SMCHD1: variants seen among roughly 807,000 people sequenced by gnomAD.
SMCHD1 encodes structural maintenance of chromosomes flexible hinge domain containing 1, also known as structural maintenance of chromosomes flexible hinge domain-containing protein 1.
Under a neutral mutation model 254.7 loss-of-function variants are expected in SMCHD1, and 78 were observed. That is an observed-to-expected ratio of 0.31 (90% confidence interval 0.26 to 0.37). The LOEUF (loss-of-function observed/expected upper bound fraction) is 0.37, where lower values mean the gene tolerates loss of function less well. SMCHD1 is among the 10% of genes least tolerant of loss of function. SMCHD1 has a pLI of 1.00. For synonymous variants in SMCHD1, 766 were observed against 794.9 expected (o/e 0.96, Z 0.61); for missense variants, 1,840 against 2,408.1 (o/e 0.76, Z 4.94).
intron 17 of SMCHD1, among the ~76,000 whole-genome samples, chr18:2,712,233 T>TG (rs1419562131): frequency 6.8e-6 from 1 of 147,390 alleles, no homozygotes; most frequent in African/African-American, 2.5e-5. Flanking sequence ...TCTTTTTCCT[T>TG]TTTTTTTTTT....
rs755868793 is a variant in SMCHD1 at position 2,700,750 on chromosome 18, T to C, written c.1479T>C (p.Thr493=). ...TCTGTTCAAGCTTTGACTGGTGTAC[T>C]CCTCCTAAGAAGAGAGGGCTTGCAC... ...YTSVEDFDWC[T]PPKKRGLAPI... Residue 493 remains threonine (T), a synonymous_variant, in exon 12 of 48, where the codon ACT becomes ACC. Transcript: ENST00000320876. 8.7e-6 allele frequency: 14 copies of C among 1,610,524 alleles called. No individual in the cohort carries two copies. Among genetic ancestry groups the C allele is most frequent in the Non-Finnish European group, 1.0e-5 (12 of 1,178,276 alleles).
chr18:2,738,615 G>T, intron 26 of SMCHD1, 70 bp downstream of exon 26: 2 of 1,309,456 alleles, frequency 1.5e-6, no homozygotes, highest in Admixed American at 3.0e-5. Flanking sequence ...ATATATGAAA[G>T]TTGTTTTTAA....
intron 1 of SMCHD1, among the ~76,000 whole-genome samples, chr18:2,661,097 A>G (rs2073237836): frequency 6.6e-6 from 1 of 152,210 alleles, no homozygotes; most frequent in Admixed American, 6.5e-5. Context: ...CAAACACTGC[A>G]TGTTCTCACT....
chr18:2,787,650 T>C (rs549534828), intron 45 of SMCHD1, among the ~76,000 whole-genome samples: 1 of 152,264 alleles, frequency 6.6e-6, no homozygotes, highest in South Asian at 2.1e-4. Context: ...CAGAAAGAAT[T>C]ACCTGTGGAA....
chr18:2,740,489 T>G (rs1357362416), intron 27 of SMCHD1, among the ~76,000 whole-genome samples: 2 of 152,158 alleles, frequency 1.3e-5, no homozygotes, highest in Non-Finnish European at 2.9e-5. Context: ...AACATTAGCA[T>G]CGTGTTAAAT....
At chr18:2,799,462 T>G (rs2076321162) in intron 47 of SMCHD1, among the ~76,000 whole-genome samples, 3 of 152,220 alleles carry the variant, frequency 2.0e-5, no homozygotes, top group Admixed American at 2.0e-4. Context: ...AGGCAACCTT[T>G]GTTTTAACTG....
Position 2,718,393 on chromosome 18 carries a change from G to T in SMCHD1, c.2417G>T (p.Gly806Val). ...GAAAGTAATGCAGACACTTATGCAG[G>T]AAGACCACTACCATCTAAAGCAATT... The part of the protein sequence containing the change: ...LNESNADTYA[G>V]RPLPSKAIKF... The change falls in exon 19 of 48, where the codon GGA becomes GTA. Residue 806 changes from glycine (G) to valine (V), a missense_variant. Gly to Val is a moderately radical substitution (Grantham distance 109). Transcript: ENST00000320876. This position sits in a 1 kb window ranked among gnomAD's most constrained non-coding sequence, Gnocchi z 4.6. 4.3e-6 allele frequency: 7 copies of T among 1,612,642 alleles called. No individual in the cohort carries two copies. The highest frequency in any genetic ancestry group is 5.9e-6 in the Non-Finnish European group (7 of 1,179,058).
At chr18:2,689,083 T>G (rs2074114100) in intron 7 of SMCHD1, among the ~76,000 whole-genome samples, 1 of 152,110 alleles carries the variant, frequency 6.6e-6, no homozygotes, top group African/African-American at 2.4e-5. Context: ...AAATGAGAGA[T>G]TGCTCTTACA....
intron 37 of SMCHD1, among the ~76,000 whole-genome samples, chr18:2,764,308 A>G (rs1224547830): frequency 2.0e-5 from 3 of 152,160 alleles, no homozygotes; most frequent in Non-Finnish European, 4.4e-5. Flanking sequence ...CCTGCATACC[A>G]TGTGTGTATA....
intron 12 of SMCHD1, chr18:2,702,256 C>T (rs72862976): frequency 0.19 from 27,503 of 141,328 alleles, 2,854 homozygotes; most frequent in Admixed American, 0.28. Context: ...GAGTTCAAGA[C>T]CAGCGTGTGC....
At position 2,739,536 on chromosome 18, in the gene SMCHD1, T is replaced by C; in HGVS notation, c.3514+16T>C. 2.5e-6 allele frequency: 4 copies of C among 1,595,684 alleles called. No homozygotes were observed. The highest frequency in any genetic ancestry group is 3.4e-6 in the Non-Finnish European group (4 of 1,169,218). ...GGAGAAGTAGGTTAGTATGGCTTGC[T>C]TTAAAAAACAAACAACAAAAAAATC... On this transcript the variant is annotated intron_variant, in intron 27 of 47. Coordinates refer to ENST00000320876, the MANE Select transcript of SMCHD1 (RefSeq NM_015295.3).
At chr18:2,674,813 G>C (rs2073703643) in intron 5 of SMCHD1, among the ~76,000 whole-genome samples, 1 of 152,172 alleles carries the variant, frequency 6.6e-6, no homozygotes, top group Non-Finnish European at 1.5e-5. Flanking sequence ...AATAGTTGGT[G>C]TCTGTTCATA....
At chr18:2,774,743 A>T (rs1301216856) in intron 41 of SMCHD1, among the ~76,000 whole-genome samples, 1 of 152,184 alleles carries the variant, frequency 6.6e-6, no homozygotes, top group African/African-American at 2.4e-5. Flanking sequence ...CAATGTTCTT[A>T]TTGCTAGAGT....
intron 28 of SMCHD1, 27 bp from the exon 29 acceptor site, chr18:2,743,734 C>G: frequency 6.4e-7 from 1 of 1,553,810 alleles, no homozygotes; most frequent in South Asian, 1.2e-5. Flanking sequence ...TACCCCCTGT[C>G]TTTCTCAATG....
At chr18:2,728,245 A>G (rs1180270711) in intron 22 of SMCHD1, 1 of 474,740 alleles carries the variant, frequency 2.1e-6, no homozygotes, top group Non-Finnish European at 3.7e-6. Flanking sequence ...CTAGACACCA[A>G]GCATTTTATA....
rs2075156552 is a variant in SMCHD1, at chr18:2,732,298, A to G, written c.3082A>G (p.Ile1028Val). ...CKDVAPVEKT[I>V]KLLPSSHVAR... ...AGATGTGGCACCTGTGGAGAAGACTATTAAGTTGCTTCCCAGTAGCCATGT... is the reference window on the plus strand; with the variant it reads ...AGATGTGGCACCTGTGGAGAAGACTGTTAAGTTGCTTCCCAGTAGCCATGT... The change falls in exon 25 of 48, where the codon ATT (isoleucine) becomes GTT (valine). Residue 1028 changes from isoleucine (I) to valine (V), a missense_variant. By Grantham distance (29) the Ile-to-Val change is conservative. This residue lies in a region of SMCHD1 where 881 missense variants were observed against 1,009.5 expected (regional missense o/e 0.87). Transcript: ENST00000320876. 2 of 1,613,840 alleles carry G rather than the reference A, an allele frequency of 1.2e-6. No individual in the cohort carries two copies. The highest frequency in any genetic ancestry group is 1.1e-5 in the South Asian group (1 of 91,082).
chr18:2,722,746 G>A, intron 20 of SMCHD1, 83 bp downstream of exon 20: 1 of 1,237,642 alleles, frequency 8.1e-7, no homozygotes, highest in Non-Finnish European at 1.1e-6. Context: ...TTTTTTGTGT[G>A]TAAGGTGTTC....
chr18:2,710,679 T>C (rs968424060), intron 17 of SMCHD1, among the ~76,000 whole-genome samples: 1 of 152,198 alleles, frequency 6.6e-6, no homozygotes, highest in East Asian at 1.9e-4. Context: ...CTTACCTAAT[T>C]GGTCTGGCTA....
intron 3 of SMCHD1, among the ~76,000 whole-genome samples, chr18:2,672,392 A>G (rs2073632596): frequency 6.6e-6 from 1 of 151,826 alleles, no homozygotes; most frequent in Non-Finnish European, 1.5e-5. Context: ...ACGCCCAGCT[A>G]TTTTTTTGTA....
Sources: gnomAD v4.1 joint callset for allele counts (sites outside exome capture counted in the v4.1 genomes callset) on GRCh38, gnomAD v4.1.1 for gene constraint, gnomAD v4.1.1 regional missense constraint, Gnocchi (gnomAD v3.1) non-coding constraint, MANE v1.5 for transcripts, NCBI Gene and HGNC (gene_info 2026-07-23, HGNC 2026-07-21) for gene names.